CERS3: variants seen among roughly 807,000 people sequenced by gnomAD.
CERS3 encodes the protein ceramide synthase 3.
In CERS3, 33 loss-of-function variants were observed where a neutral mutation model predicts 50.3. The observed-to-expected ratio is 0.66, with a 90% CI of 0.50 to 0.88. CERS3 has a LOEUF of 0.88. Among genes scored for constraint, CERS3 ranks in the 40% least tolerant of loss-of-function variants. CERS3 has a pLI of 0.00. For synonymous variants in CERS3, 176 were observed against 155.2 expected, an observed-to-expected ratio of 1.13 and a Z score of -0.99; for missense variants, 470 against 460.3, an observed-to-expected ratio of 1.02 and a Z score of -0.19.
chr15:100,485,313 T>C (rs1352300367), intron 4 of CERS3, among the ~76,000 whole-genome samples: 1 of 152,202 alleles, frequency 6.6e-6, no homozygotes, highest in Non-Finnish European at 1.5e-5. Flanking sequence ...GATGATTGCT[T>C]CTCTTTTGGG....
chr15:100,466,577 C>G (rs80178512), intron 10 of CERS3, among the ~76,000 whole-genome samples: 2,513 of 152,214 alleles, frequency 0.017, 29 homozygotes, highest in East Asian at 0.034. Context: ...CTCTAGCACT[C>G]TCTTGAAATG....
chr15:100,431,174 G>C (rs2033113520), intron 11 of CERS3, among the ~76,000 whole-genome samples: 1 of 152,176 alleles, frequency 6.6e-6, no homozygotes, highest in Admixed American at 6.5e-5. Flanking sequence ...TTGCAGCAGA[G>C]GGTTGCCTAA....
chr15:100,496,043 G>GCTTCTGTCTGC (rs1452681132), intron 3 of CERS3, among the ~76,000 whole-genome samples: 1 of 152,098 alleles, frequency 6.6e-6, no homozygotes, highest in Non-Finnish European at 1.5e-5. Context: ...CTTGTGTCTG[G>GCTTCTGTCTGC]CTTCTTTCAC....
chr15:100,517,240 C>T lies in CERS3; in HGVS notation c.-2+4427G>A, dbSNP rs75303427. 7.9e-3 allele frequency among the ~76,000 whole-genome samples: 1,203 copies of T among 152,340 alleles called. 10 individuals are homozygous for T. Among genetic ancestry groups the T allele is most frequent in the African/African-American group, 0.027 (1,104 of 41,562 alleles). On this transcript the variant is annotated intron_variant, in intron 2 of 11. Transcript: ENST00000679737. ...TGTGTCTCAGTTACCTAATGTAATG[C>T]CTGGCACATGGCAAGTGCCCTATAT...
chr15:100,449,313 C>T lies in CERS3; in HGVS notation c.999+6580G>A, dbSNP rs552732823. Among the ~76,000 whole-genome samples the T allele has an allele frequency of 7.9e-5, 12 of 152,350 alleles. No homozygotes were observed. In the East Asian group the frequency reaches 9.7e-4, roughly 12 times the overall value. On this transcript the variant is annotated intron_variant, in intron 11 of 11. Coordinates refer to ENST00000679737, the MANE Select transcript of CERS3 (RefSeq NM_001378789.1). The stretch of plus-strand genomic sequence containing the variant: ...CCACTGCCAACACCAATGCAGACCA[C>T]TTGGGAGCCAGAGGATTGTTAAGTG...
chr15:100,510,519 G>T (rs183915293), intron 2 of CERS3, among the ~76,000 whole-genome samples: 1 of 152,284 alleles, frequency 6.6e-6, no homozygotes, highest in East Asian at 1.9e-4. Flanking sequence ...ATGCTCCCAA[G>T]TATCCATTTA....
chr15:100,404,183 C>A (rs2030794110), intron 11 of CERS3, among the ~76,000 whole-genome samples: 1 of 152,206 alleles, frequency 6.6e-6, no homozygotes, highest in African/African-American at 2.4e-5. Context: ...TGCTAACTGA[C>A]ACCTTGATTT....
upstream of CERS3, among the ~76,000 whole-genome samples, chr15:100,531,871 G>A (rs1051301649): frequency 3.3e-5 from 5 of 152,166 alleles, no homozygotes; most frequent in African/African-American, 9.7e-5. Context: ...AAAAGTGAAC[G>A]TCGGACCTCT....
intron 1 of CERS3, among the ~76,000 whole-genome samples, chr15:100,538,907 T>C (rs2142433463): frequency 6.6e-6 from 1 of 152,352 alleles, no homozygotes; most frequent in African/African-American, 2.4e-5. Flanking sequence ...TAAGTTCCAA[T>C]TCCAAACCAT....
At chr15:100,483,867 G>A (rs1485986742) in intron 5 of CERS3, among the ~76,000 whole-genome samples, 10 of 143,618 alleles carry the variant, frequency 7.0e-5, no homozygotes, top group Admixed American at 1.4e-4. Context: ...TGCAAGCTCC[G>A]CCTCCCAGGT....
At chr15:100,407,790 G>A (rs916634841) in intron 11 of CERS3, among the ~76,000 whole-genome samples, 1 of 152,208 alleles carries the variant, frequency 6.6e-6, no homozygotes, top group African/African-American at 2.4e-5. Context: ...AAGTAATCTA[G>A]AGATAATTTA....
chr15:100,417,383 A>AAATGGCGCACCACGAGATTAT (rs2032013175), intron 11 of CERS3, among the ~76,000 whole-genome samples: 1 of 152,134 alleles, frequency 6.6e-6, no homozygotes, highest in African/African-American at 2.4e-5. Context: ...CGGGCTTAAA[A>AAATGGCGCACCACGAGATTAT]AATGGCGCAC....
chr15:100,532,467 T>A (rs1347255150), upstream of CERS3, among the ~76,000 whole-genome samples: 2 of 152,132 alleles, frequency 1.3e-5, no homozygotes, highest in Non-Finnish European at 1.5e-5. Context: ...GAAATTTAAG[T>A]CAAAATGCTA....
upstream of CERS3, among the ~76,000 whole-genome samples, chr15:100,533,317 G>A (rs565157385): frequency 5.9e-5 from 9 of 152,102 alleles, no homozygotes; most frequent in East Asian, 3.9e-4. Flanking sequence ...CGGAATTTTC[G>A]TCTGCCGTGT....
At position 100,506,470 on chromosome 15, in the gene CERS3, C is replaced by G. The variant is rs375614777; in HGVS notation, c.-1-4620G>C. On this transcript the variant is annotated intron_variant, in intron 2 of 11. Transcript: ENST00000679737. ...GTGTGAAGAAATCGGGACCCCCCCG[C>G]CGCCCCACACACACACACACCAGAC... 6.7e-5 allele frequency among the ~76,000 whole-genome samples: 9 copies of G among 133,576 alleles called. 1 individual carries two copies. The East Asian group carries it at 1.8e-3, about 27-fold the overall frequency. The allele number at this position is 133,576 out of a possible 152,430, so 87.6% of individuals were successfully genotyped here.
chr15:100,432,396 C>G (rs1211513142), intron 11 of CERS3, among the ~76,000 whole-genome samples: 1 of 152,214 alleles, frequency 6.6e-6, no homozygotes, highest in Non-Finnish European at 1.5e-5. Flanking sequence ...AAAAACCACT[C>G]TCAGCACCAG....
In CERS3 at chr15:100,525,878, G is replaced by C. The variant is rs145657701; in HGVS notation, c.-92+2935C>G. Among the ~76,000 whole-genome samples the C allele has an allele frequency of 1.8e-3, 268 of 152,292 alleles. 1 individual carries two copies. The highest frequency in any genetic ancestry group is 6.0e-3 in the African/African-American group (250 of 41,566). ...AATGCCTTCTTTCATACTGCCAACT[G>C]TCTGGTCTGTCTAGTGTTGGCACAA... On this transcript the variant is annotated intron_variant, in intron 1 of 11. Coordinates refer to ENST00000679737, the MANE Select transcript of CERS3 (RefSeq NM_001378789.1).
At chr15:100,521,334 G>T (rs1240901643) in intron 2 of CERS3, among the ~76,000 whole-genome samples, 1 of 152,180 alleles carries the variant, frequency 6.6e-6, no homozygotes, top group Non-Finnish European at 1.5e-5. Context: ...GCCCAGCACA[G>T]CCAGCTCTTC....
At chr15:100,407,909 T>G (rs1315834011) in intron 11 of CERS3, among the ~76,000 whole-genome samples, 1 of 152,214 alleles carries the variant, frequency 6.6e-6, no homozygotes, top group African/African-American at 2.4e-5. Flanking sequence ...TTTGTTCTTG[T>G]TGCCCAGGCT....
Sources: gnomAD v4.1 joint callset for allele counts (sites outside exome capture counted in the v4.1 genomes callset) on GRCh38, gnomAD v4.1.1 for gene constraint, MANE v1.5 for transcripts, NCBI Gene and HGNC (gene_info 2026-07-23, HGNC 2026-07-21) for gene names.